Variants in PEAK1 observed in about 807,000 individuals in gnomAD.
The protein encoded by PEAK1 is pseudopodium enriched atypical kinase 1, also known as inactive tyrosine-protein kinase PEAK1.
PEAK1 carries 54 observed loss-of-function variants against 124.7 expected under a neutral mutation model. That is an observed-to-expected ratio of 0.43 (90% CI 0.35 to 0.54). The LOEUF (loss-of-function observed/expected upper bound fraction) is 0.54, where lower values mean the gene tolerates loss of function less well. Ranked by LOEUF, PEAK1 falls within the 20% of genes least tolerant of loss-of-function variation. The pLI, the probability that PEAK1 is intolerant of heterozygous loss-of-function variation, is 0.01. For synonymous variants in PEAK1, 719 were observed against 760.0 expected (o/e 0.95, Z 0.89); for missense variants, 2,046 against 2,134.5 (o/e 0.96, Z 0.82).
intron 1 of PEAK1, among the ~76,000 whole-genome samples, chr15:77,386,693 G>C (rs963021920): frequency 6.6e-6 from 1 of 152,170 alleles, no homozygotes; most frequent in Non-Finnish European, 1.5e-5. Context: ...TTATTTTACA[G>C]AGTGAGAAAT....
At chr15:77,371,491 T>G in intron 1 of PEAK1, 2 of 975,454 alleles carry the variant, frequency 2.1e-6, no homozygotes, top group African/African-American at 3.6e-5. Context: ...GTAGCCTTTG[T>G]TGTAACACTA....
At chr15:77,253,096 C>T (rs1260405191) in intron 5 of PEAK1, among the ~76,000 whole-genome samples, 1 of 152,044 alleles carries the variant, frequency 6.6e-6, no homozygotes, top group African/African-American at 2.4e-5. Flanking sequence ...TCAAAACTGA[C>T]CCAACCCCTA....
intron 7 of PEAK1, among the ~76,000 whole-genome samples, chr15:77,166,721 T>C (rs566399997): frequency 6.6e-6 from 1 of 152,384 alleles, no homozygotes; most frequent in Non-Finnish European, 1.5e-5. Context: ...TCAAACCCTG[T>C]AGCTTAGCTC....
chr15:77,117,322 G>A (rs2051478797), intron 9 of PEAK1, among the ~76,000 whole-genome samples: 2 of 152,092 alleles, frequency 1.3e-5, no homozygotes, highest in South Asian at 4.1e-4. Flanking sequence ...AATTTCTCTG[G>A]GTCTCAGTCT....
intron 5 of PEAK1, among the ~76,000 whole-genome samples, chr15:77,263,751 T>A (rs2061565080): frequency 6.6e-6 from 1 of 152,132 alleles, no homozygotes; most frequent in Non-Finnish European, 1.5e-5. Flanking sequence ...CCTAACTCAT[T>A]TTATGAGGCC....
intron 1 of PEAK1, among the ~76,000 whole-genome samples, chr15:77,401,286 T>A (rs1040076522): frequency 1.6e-4 from 24 of 152,198 alleles, no homozygotes; most frequent in African/African-American, 5.5e-4. Flanking sequence ...ATAATCACCA[T>A]ATAAATGAGC....
intron 1 of PEAK1, chr15:77,401,656 T>G: frequency 2.0e-6 from 2 of 985,180 alleles, no homozygotes; most frequent in Non-Finnish European, 2.4e-6. Context: ...AGAACTTCAA[T>G]GGACATTGCC....
intron 2 of PEAK1, among the ~76,000 whole-genome samples, chr15:77,314,923 G>A (rs1025182166): frequency 3.9e-5 from 6 of 152,140 alleles, no homozygotes; most frequent in African/African-American, 1.4e-4. Flanking sequence ...GTGGGAGCAA[G>A]AGCTGAAAAA....
At chr15:77,152,700 G>C (rs547861851) in intron 8 of PEAK1, among the ~76,000 whole-genome samples, 12 of 152,204 alleles carry the variant, frequency 7.9e-5, no homozygotes, top group African/African-American at 2.4e-4. Flanking sequence ...TAGCATGAAG[G>C]GTTGTTGAAT....
intron 2 of PEAK1, chr15:77,334,818 C>T (rs2033805952): frequency 2.0e-6 from 2 of 985,336 alleles, no homozygotes; most frequent in African/African-American, 1.7e-5. Flanking sequence ...GTCTAATTTG[C>T]TATTCACTGC....
intron 8 of PEAK1, among the ~76,000 whole-genome samples, chr15:77,148,844 C>T (rs1338288926): frequency 6.6e-6 from 1 of 152,106 alleles, no homozygotes; most frequent in East Asian, 1.9e-4. Context: ...ACTGCTTAAG[C>T]CCAGGAGTTT....
intron 1 of PEAK1, among the ~76,000 whole-genome samples, chr15:77,374,426 A>G (rs1209828130): frequency 6.6e-6 from 1 of 152,186 alleles, no homozygotes; most frequent in African/African-American, 2.4e-5. Context: ...TCAATAATGT[A>G]TAATTATTTT....
intron 6 of PEAK1, among the ~76,000 whole-genome samples, chr15:77,226,099 TAC>T (rs2059663692): frequency 8.3e-6 from 1 of 119,796 alleles, no homozygotes; most frequent in African/African-American, 3.0e-5. Context: ...TACACACACA[TAC>T]ACACATATAT....
At chr15:77,323,914 T>A (rs980391255) in intron 2 of PEAK1, among the ~76,000 whole-genome samples, 2 of 152,158 alleles carry the variant, frequency 1.3e-5, no homozygotes, top group Non-Finnish European at 2.9e-5. Flanking sequence ...CAAAACAATA[T>A]GGTACTGGTA....
chr15:77,323,261 T>C (rs1241667971), intron 2 of PEAK1, among the ~76,000 whole-genome samples: 70 of 151,998 alleles, frequency 4.6e-4, no homozygotes, highest in African/African-American at 1.5e-3. Context: ...CTATTCAACA[T>C]AGTGTTGGAA....
chr15:77,159,410 G>T (rs1344476327), intron 7 of PEAK1, among the ~76,000 whole-genome samples: 1 of 152,144 alleles, frequency 6.6e-6, no homozygotes, highest in Non-Finnish European at 1.5e-5. Flanking sequence ...TTTTACCATT[G>T]CCTGCTCATA....
At position 77,325,155 on chromosome 15, in the gene PEAK1, A is replaced by G. The variant is rs113398526; in HGVS notation, c.-602-38651T>C. ...TTCCCTTGGCTGGGTGTGGTGGCTC[A>G]TGCCTACAATCTCAACAATTTGGGA... is the stretch of plus-strand genomic sequence containing the variant. On this transcript the variant is annotated intron_variant, in intron 2 of 9. Transcript: ENST00000682557. 7.6e-4 allele frequency among the ~76,000 whole-genome samples: 116 copies of G among 152,234 alleles called. 1 individual carries two copies. The highest frequency in any genetic ancestry group is 2.4e-4 in the Non-Finnish European group (16 of 68,038).
chr15:77,321,376 C>A (rs573374310), intron 2 of PEAK1, among the ~76,000 whole-genome samples: 14 of 152,174 alleles, frequency 9.2e-5, no homozygotes, highest in Admixed American at 2.6e-4. Flanking sequence ...ATGGTATCTC[C>A]TTGTGGTTTT....
At chr15:77,290,268 G>A (rs1339241099) in intron 2 of PEAK1, among the ~76,000 whole-genome samples, 1 of 152,200 alleles carries the variant, frequency 6.6e-6, no homozygotes, top group African/African-American at 2.4e-5. Context: ...GGGATTACAG[G>A]TGCCCAGCAC....
Sources: allele counts gnomAD v4.1 joint callset (sites outside exome capture counted in the v4.1 genomes callset), GRCh38; gene constraint gnomAD v4.1.1; transcripts MANE v1.5; gene names NCBI Gene and HGNC (gene_info 2026-07-23, HGNC 2026-07-21).